Variants in PRKN observed in about 807,000 individuals in gnomAD.
The protein encoded by PRKN is E3 ubiquitin-protein ligase parkin.
In PRKN, 56 loss-of-function variants were observed where a neutral mutation model predicts 59.5. That is an observed-to-expected ratio of 0.94 (90% CI 0.76 to 1.18). The LOEUF (loss-of-function observed/expected upper bound fraction) is 1.18. Among genes scored for constraint, PRKN ranks in the 50% most tolerant of loss-of-function variants. The probability of loss-of-function intolerance (pLI) is 0.00; values close to 1 mark genes in which losing one functional copy is unlikely to be tolerated. For missense variants in PRKN, 657 were observed against 596.4 expected, an observed-to-expected ratio of 1.10 and a Z score of -1.06; for synonymous variants, 250 against 222.1, an observed-to-expected ratio of 1.13 and a Z score of -1.12.
rs1221500982 is a variant in PRKN, at chr6:162,472,535, C to T, written c.8-29062G>A. On this transcript the variant is annotated intron_variant, in intron 1 of 11. Transcript: ENST00000366898. ...TCGCTCTGTCGCCCAGGCCAGACTG[C>T]GGACTGCAGTGGCGCAATCTCGGCT... 2.6e-4 allele frequency among the ~76,000 whole-genome samples: 32 copies of T among 121,002 alleles called. 7 individuals are homozygous for T. The highest frequency in any genetic ancestry group is 5.3e-4 in the Admixed American group (6 of 11,288). 79.4% of individuals were successfully genotyped at this position (121,002 alleles called of 152,430 possible).
intron 1 of PRKN, among the ~76,000 whole-genome samples, chr6:162,544,063 G>A (rs1470386583): frequency 6.6e-6 from 1 of 152,048 alleles, no homozygotes; most frequent in Non-Finnish European, 1.5e-5. Context: ...CTCCTTTTCG[G>A]ATTTGTACCT....
In PRKN at chr6:161,584,391, C is replaced by A. The variant is rs1781449822; in HGVS notation, c.872-14975G>T. On this transcript the variant is annotated intron_variant, in intron 7 of 11. Coordinates refer to ENST00000366898, the MANE Select transcript of PRKN (RefSeq NM_004562.3). The surrounding 1 kb of genome is among the most constrained non-coding windows in gnomAD (Gnocchi z 4.8). ...TGGTGCTGCAAAATCTGAAATTAAA[C>A]ATAATATAAAAAGCACAAAAATCTA... Among the ~76,000 whole-genome samples, 1 of 152,044 alleles carries A rather than the reference C, an allele frequency of 6.6e-6. No individual in the cohort carries two copies. Among genetic ancestry groups the A allele is most frequent in the Admixed American group, 6.6e-5 (1 of 15,262 alleles).
intron 1 of PRKN, among the ~76,000 whole-genome samples, chr6:162,506,646 G>A (rs562673175): frequency 2.4e-4 from 37 of 152,120 alleles, no homozygotes; most frequent in African/African-American, 4.6e-4. Flanking sequence ...TCATGATCCC[G>A]GGTGAAAGGG....
intron 7 of PRKN, among the ~76,000 whole-genome samples, chr6:161,586,742 G>C (rs1240802742): frequency 6.6e-6 from 1 of 152,134 alleles, no homozygotes; most frequent in Admixed American, 6.6e-5. Flanking sequence ...TTATAACAGA[G>C]AAATATAACT....
intron 1 of PRKN, among the ~76,000 whole-genome samples, chr6:162,718,708 G>A (rs775597483): frequency 3.3e-5 from 5 of 150,776 alleles, no homozygotes; most frequent in East Asian, 1.9e-4. Context: ...GCAAGACTCC[G>A]TCTCAAAAAA....
rs1562465488 is a variant in PRKN, at chr6:162,021,146, ATATATATATATATATATAT to A, written c.618+32926_618+32944del. On this transcript the variant is annotated intron_variant, in intron 5 of 11. Transcript: ENST00000366898. ...TATATATATATATATATATATATAT[ATATATATATATATATATAT>A]AAAATATATGTGTATATATATTATA... Among the ~76,000 whole-genome samples the A allele has an allele frequency of 7.7e-3, 109 of 14,240 alleles. 9 individuals carry two copies. The highest frequency in any genetic ancestry group is 0.016 in the South Asian group (6 of 378). 9.3% of individuals were successfully genotyped at this position (14,240 alleles called of 152,430 possible).
chr6:161,636,012 C>T (rs1783501446), intron 7 of PRKN, among the ~76,000 whole-genome samples: 1 of 152,184 alleles, frequency 6.6e-6, no homozygotes, highest in Admixed American at 6.5e-5. Context: ...ACCCTGACAC[C>T]CTGCAACCTC....
chr6:161,870,983 T>C (rs568881165), intron 6 of PRKN, among the ~76,000 whole-genome samples: 3 of 152,026 alleles, frequency 2.0e-5, no homozygotes, highest in Admixed American at 6.6e-5. Context: ...GGTAATCATC[T>C]ACTCTTCAGA....
At chr6:162,397,427 T>G (rs1186646843) in intron 2 of PRKN, among the ~76,000 whole-genome samples, 6 of 152,044 alleles carry the variant, frequency 3.9e-5, no homozygotes, top group East Asian at 1.9e-4. Context: ...GATTTCTGCT[T>G]CTTGTAATTG....
chr6:161,588,535 T>G lies in PRKN; in HGVS notation c.872-19119A>C, dbSNP rs989894289. On this transcript the variant is annotated intron_variant, in intron 7 of 11. Transcript: ENST00000366898. The surrounding 1 kb of genome is among the most constrained non-coding windows in gnomAD (Gnocchi z 5.0). ...CTGGTGTTGCTCTTGCTTTTTTTAA[T>G]GAAGGGAAGACTGGAAAAGGGAAAG... Among the ~76,000 whole-genome samples, 2 of 152,176 alleles carry G rather than the reference T, an allele frequency of 1.3e-5. No homozygotes were observed. The highest frequency in any genetic ancestry group is 6.5e-5 in the Admixed American group (1 of 15,280).
At chr6:162,201,461 C>A (rs898969849) in intron 3 of PRKN, among the ~76,000 whole-genome samples, 1 of 152,310 alleles carries the variant, frequency 6.6e-6, no homozygotes, top group Middle Eastern at 3.4e-3. Context: ...TTTTCTCTCT[C>A]TTGCCAACAG....
intron 1 of PRKN, among the ~76,000 whole-genome samples, chr6:162,651,863 TAATAA>T (rs2128226682): frequency 6.6e-6 from 1 of 152,338 alleles, no homozygotes; most frequent in South Asian, 2.1e-4. Context: ...TTTCATTCAC[TAATAA>T]ATTAATTGTT....
chr6:162,200,662 T>TC (rs1329755783), intron 4 of PRKN, among the ~76,000 whole-genome samples: 1 of 152,186 alleles, frequency 6.6e-6, no homozygotes, highest in Non-Finnish European at 1.5e-5. Context: ...TGATCCATAC[T>TC]CTTTTTTTAC....
At chr6:161,660,280 T>G (rs1029294346) in intron 7 of PRKN, among the ~76,000 whole-genome samples, 4 of 152,150 alleles carry the variant, frequency 2.6e-5, no homozygotes, top group Non-Finnish European at 5.9e-5. Context: ...TCTGAAAGCC[T>G]GGTATGGCTG....
chr6:161,890,545 G>A lies in PRKN; in HGVS notation c.734+82757C>T, dbSNP rs559311260. Among the ~76,000 whole-genome samples, 8 of 152,266 alleles carry A rather than the reference G, an allele frequency of 5.3e-5. 1 individual carries two copies. The South Asian group carries it at 8.3e-4, about 16-fold the overall frequency. Reference sequence around the variant, plus strand: ...GGCTGAAGACGAAGAGGAGCCATGCGGCCGGATTTAAGCCTTGGGGGAATG... The same window carrying A: ...GGCTGAAGACGAAGAGGAGCCATGCAGCCGGATTTAAGCCTTGGGGGAATG... On this transcript the variant is annotated intron_variant, in intron 6 of 11. Transcript: ENST00000366898.
At chr6:161,753,451 G>A (rs1418891047) in intron 7 of PRKN, among the ~76,000 whole-genome samples, 2 of 152,104 alleles carry the variant, frequency 1.3e-5, no homozygotes, top group African/African-American at 4.8e-5. Context: ...GGAATGGGAG[G>A]CAAGTCAGTG....
chr6:162,244,541 T>G (rs961909697), intron 3 of PRKN, among the ~76,000 whole-genome samples: 1 of 152,140 alleles, frequency 6.6e-6, no homozygotes, highest in Non-Finnish European at 1.5e-5. Context: ...AATTATTTTT[T>G]CTGTCAGTTA....
chr6:161,667,750 C>A (rs778855492), intron 7 of PRKN, among the ~76,000 whole-genome samples: 1 of 152,166 alleles, frequency 6.6e-6, no homozygotes, highest in Non-Finnish European at 1.5e-5. Flanking sequence ...CATATTATGA[C>A]ACAAAACTGT....
At chr6:161,426,286 T>C (rs1455043438) in intron 9 of PRKN, among the ~76,000 whole-genome samples, 1 of 152,176 alleles carries the variant, frequency 6.6e-6, no homozygotes, top group East Asian at 1.9e-4. Context: ...TTGATTGGAC[T>C]GAAGGATGCA....
Sources: gnomAD v4.1 joint callset for allele counts (sites outside exome capture counted in the v4.1 genomes callset) on GRCh38, gnomAD v4.1.1 for gene constraint, Gnocchi (gnomAD v3.1) non-coding constraint, MANE v1.5 for transcripts, NCBI Gene and HGNC (gene_info 2026-07-23, HGNC 2026-07-21) for gene names.